The following EYA2 variants were observed in gnomAD, a reference collection of about 807,000 sequenced individuals.
The protein encoded by EYA2 is EYA transcriptional coactivator and phosphatase 2.
Under a neutral mutation model 69.2 loss-of-function variants are expected in EYA2, and 31 were observed. The ratio of observed to expected loss-of-function variants is 0.45; its 90% CI spans 0.34 to 0.60. The LOEUF (loss-of-function observed/expected upper bound fraction) is 0.60, where lower values mean the gene tolerates loss of function less well. Among genes scored for constraint, EYA2 ranks in the 20% least tolerant of loss-of-function variants. The pLI, the probability that EYA2 is intolerant of heterozygous loss-of-function variation, is 0.02. For missense variants in EYA2, 622 were observed against 701.2 expected (o/e 0.89, Z 1.28); for synonymous variants, 257 against 279.4 (o/e 0.92, Z 0.80).
At chr20:47,158,042 A>G (rs1260559458) in intron 10 of EYA2, among the ~76,000 whole-genome samples, 1 of 151,988 alleles carries the variant, frequency 6.6e-6, no homozygotes, top group Non-Finnish European at 1.5e-5. Flanking sequence ...ACCTACCTTC[A>G]TCCATGCCCT....
intron 10 of EYA2, among the ~76,000 whole-genome samples, chr20:47,160,651 G>A (rs2034046639): frequency 6.6e-6 from 1 of 152,126 alleles, no homozygotes; most frequent in African/African-American, 2.4e-5. Context: ...CCAGTGTTGG[G>A]AACATAGAAG....
intron 10 of EYA2, among the ~76,000 whole-genome samples, chr20:47,164,667 AG>A (rs1254003828): frequency 2.0e-5 from 3 of 152,234 alleles, no homozygotes; most frequent in East Asian, 1.9e-4. Context: ...TCACATGCCT[AG>A]GGGGGTCAAG....
chr20:47,146,909 G>C (rs2032681690), intron 10 of EYA2, among the ~76,000 whole-genome samples: 1 of 152,224 alleles, frequency 6.6e-6, no homozygotes, highest in African/African-American at 2.4e-5. Flanking sequence ...TCCAGTTCAG[G>C]AGGCTGACCA....
At position 46,917,824 on chromosome 20, in the gene EYA2, C is replaced by T. The variant is rs1398380245; in HGVS notation, c.-11+22837C>T. 2.6e-5 allele frequency among the ~76,000 whole-genome samples: 4 copies of T among 152,300 alleles called. No homozygotes were observed. In the East Asian group the frequency reaches 7.7e-4, roughly 29 times the overall value. On this transcript the variant is annotated intron_variant, in intron 1 of 15. Transcript: ENST00000327619. ...TGTAGTCTTTTTGCTGGTGGAGGGTCTTGCCCCATTGTTGAAGGCTGCTCA... is the reference window on the plus strand; with the variant it reads ...TGTAGTCTTTTTGCTGGTGGAGGGTTTTGCCCCATTGTTGAAGGCTGCTCA...
Position 47,188,396 on chromosome 20 carries a change from A to T in EYA2, c.*263A>T, listed in dbSNP as rs1033262566. 4 of 575,784 alleles carry T rather than the reference A, an allele frequency of 6.9e-6. No individual in the cohort carries two copies. Among genetic ancestry groups the T allele is most frequent in the Non-Finnish European group, 1.2e-5 (4 of 323,550 alleles). The allele number at this position is 575,784 out of a possible 1,614,324, so 35.7% of individuals were successfully genotyped here. ...GAGTCTAGACTCTTCTGTAAGACTC[A>T]CAGAACAAAAGCAAGGAATTGCTGA... On this transcript the variant is annotated 3_prime_UTR_variant, in exon 16 of 16. Coordinates refer to ENST00000327619, the MANE Select transcript of EYA2 (RefSeq NM_005244.5).
chr20:47,023,180 T>TCG (rs1291015287), intron 5 of EYA2, among the ~76,000 whole-genome samples: 10 of 152,240 alleles, frequency 6.6e-5, no homozygotes, highest in African/African-American at 2.2e-4. Flanking sequence ...TGTAATAATT[T>TCG]CGTGGGAACC....
intron 9 of EYA2, among the ~76,000 whole-genome samples, chr20:47,125,906 G>C (rs1281777120): frequency 6.6e-6 from 1 of 152,104 alleles, no homozygotes; most frequent in Admixed American, 6.5e-5. Context: ...TTAAAAGAGA[G>C]AGGGGAGGAG....
intron 1 of EYA2, among the ~76,000 whole-genome samples, chr20:46,945,799 C>G (rs1345673592): frequency 6.6e-6 from 1 of 152,224 alleles, no homozygotes; most frequent in Non-Finnish European, 1.5e-5. Flanking sequence ...TGATTTTGTG[C>G]TTGGGTAAGC....
intron 12 of EYA2, 93 bp from the exon 13 acceptor site, chr20:47,179,705 C>A: frequency 1.2e-6 from 1 of 829,304 alleles, no homozygotes; most frequent in Non-Finnish European, 1.9e-6. Context: ...TGATTTTAAC[C>A]CTCAGGGTAC....
intron 10 of EYA2, among the ~76,000 whole-genome samples, chr20:47,165,961 G>A (rs934243881): frequency 2.6e-5 from 4 of 151,948 alleles, no homozygotes; most frequent in Non-Finnish European, 5.9e-5. Context: ...AGGCCACAGC[G>A]GGAGGATCAC....
chr20:47,094,799 G>A (rs2032196236), intron 8 of EYA2, among the ~76,000 whole-genome samples: 2 of 152,154 alleles, frequency 1.3e-5, no homozygotes, highest in South Asian at 4.1e-4. Flanking sequence ...GAGGCCAAGT[G>A]GGGAGGATTG....
At chr20:46,978,650 G>T (rs766995839) in intron 1 of EYA2, 1 of 534,690 alleles carries the variant, frequency 1.9e-6, no homozygotes, top group African/African-American at 1.9e-5. Context: ...AGGCGGGCAG[G>T]TTCAGATTTA....
intron 1 of EYA2, among the ~76,000 whole-genome samples, chr20:46,973,667 A>G (rs1980276947): frequency 6.6e-6 from 1 of 152,180 alleles, no homozygotes; most frequent in South Asian, 2.1e-4. Flanking sequence ...AACCGTGAAC[A>G]TTGTTGAGTC....
intron 1 of EYA2, chr20:46,901,072 C>G (rs7261412): frequency 6.6e-6 from 1 of 152,058 alleles, no homozygotes; most frequent in Non-Finnish European, 1.5e-5. Context: ...TTTCCGAGCC[C>G]GTGGTTGAAA....
chr20:47,129,688 C>T (rs1365306605), intron 9 of EYA2, among the ~76,000 whole-genome samples: 1 of 152,160 alleles, frequency 6.6e-6, no homozygotes, highest in African/African-American at 2.4e-5. Flanking sequence ...AGGCTAGCTG[C>T]CTTTATAGTG....
At chr20:46,962,474 G>GT (rs892329427) in intron 1 of EYA2, among the ~76,000 whole-genome samples, 39 of 149,972 alleles carry the variant, frequency 2.6e-4, no homozygotes, top group Admixed American at 6.0e-4. Flanking sequence ...TCAATTAAAA[G>GT]TTTTTTTTTT....
At chr20:47,117,076 G>T (rs6094597) in intron 9 of EYA2, among the ~76,000 whole-genome samples, 2 of 149,242 alleles carry the variant, frequency 1.3e-5, no homozygotes, top group Non-Finnish European at 3.0e-5. Flanking sequence ...GTAGTGGTGC[G>T]ATCTCGGCTC....
At chr20:47,148,073 A>AAAAAAAT in intron 10 of EYA2, among the ~76,000 whole-genome samples, 1 of 151,078 alleles carries the variant, frequency 6.6e-6, no homozygotes, top group Non-Finnish European at 1.5e-5. Flanking sequence ...AAAAAAAAAA[A>AAAAAAAT]GAATAAAAAA....
At position 47,020,264 on chromosome 20, in the gene EYA2, T is replaced by C. The variant is rs1223096989; in HGVS notation, c.415+3967T>C. On this transcript the variant is annotated intron_variant, in intron 5 of 15. Transcript: ENST00000327619. The stretch of plus-strand genomic sequence containing the variant: ...TTACGGAAGATCACAGAGCAAGCTT[T>C]AGACAAGCCAGGATGCCTCCCACTA... 2.6e-5 allele frequency among the ~76,000 whole-genome samples: 4 copies of C among 152,332 alleles called. No individual in the cohort carries two copies. The East Asian group carries it at 5.8e-4, about 22-fold the overall frequency.
Sources: allele counts gnomAD v4.1 joint callset (sites outside exome capture counted in the v4.1 genomes callset), GRCh38; gene constraint gnomAD v4.1.1; transcripts MANE v1.5; gene names NCBI Gene and HGNC (gene_info 2026-07-23, HGNC 2026-07-21).